The following MEF2A variants were observed in gnomAD, a reference collection of about 807,000 sequenced individuals.
MEF2A encodes the protein myocyte enhancer factor 2A.
MEF2A carries 28 observed loss-of-function variants against 55.8 expected under a neutral mutation model. That is an observed-to-expected ratio of 0.50 (90% CI 0.37 to 0.69). The LOEUF (loss-of-function observed/expected upper bound fraction) is 0.69, where lower values mean the gene tolerates loss of function less well. MEF2A is among the 30% of genes least tolerant of loss of function. The pLI, the probability that MEF2A is intolerant of heterozygous loss-of-function variation, is 0.00. For missense variants in MEF2A, 528 were observed against 626.2 expected (o/e 0.84, Z 1.67); for synonymous variants, 239 against 227.1 (o/e 1.05, Z -0.47).
intron 3 of MEF2A, among the ~76,000 whole-genome samples, chr15:99,642,997 AT>A (rs1440187923): frequency 6.6e-6 from 1 of 152,216 alleles, no homozygotes; most frequent in Non-Finnish European, 1.5e-5. Flanking sequence ...ACTTTATTCC[AT>A]TTTGAATTTA....
At chr15:99,642,660 CTTTA>C (rs1248928657) in intron 3 of MEF2A, among the ~76,000 whole-genome samples, 5 of 151,998 alleles carry the variant, frequency 3.3e-5, no homozygotes, top group Non-Finnish European at 7.4e-5. Flanking sequence ...AAATTATTTT[CTTTA>C]TTTATTTTGG....
Position 99,631,928 on chromosome 15 carries a change from C to T in MEF2A, c.-142-1050C>T, listed in dbSNP as rs537418106. On this transcript the variant is annotated intron_variant, in intron 2 of 11. Transcript: ENST00000557942. ...CAGTACAATTGAAGTTTTATTGATA[C>T]ACATGTACAGTATTGAAAATACTTG... 3.9e-5 allele frequency among the ~76,000 whole-genome samples: 6 copies of T among 152,284 alleles called. No homozygotes were observed. In the East Asian group the frequency reaches 1.2e-3, roughly 29 times the overall value.
chr15:99,699,067 A>C (rs540130813), intron 8 of MEF2A, among the ~76,000 whole-genome samples: 10 of 151,826 alleles, frequency 6.6e-5, no homozygotes, highest in African/African-American at 2.4e-4. Context: ...TAAAAAAAAA[A>C]AAACAAAAAA....
chr15:99,700,187 T>TACACAC (rs1234666173), intron 8 of MEF2A, among the ~76,000 whole-genome samples: 4 of 112,294 alleles, frequency 3.6e-5, no homozygotes, highest in Non-Finnish European at 6.9e-5. Context: ...TGTGTATATA[T>TACACAC]ACACACACAC....
chr15:99,582,048 A>G (rs1240173669), intron 1 of MEF2A, among the ~76,000 whole-genome samples: 2 of 152,122 alleles, frequency 1.3e-5, no homozygotes, highest in African/African-American at 2.4e-5. Flanking sequence ...GGAATGTTCA[A>G]CAGTTTAAAT....
At chr15:99,683,889 C>T (rs1341235443) in intron 7 of MEF2A, among the ~76,000 whole-genome samples, 1 of 152,004 alleles carries the variant, frequency 6.6e-6, no homozygotes, top group African/African-American at 2.4e-5. Flanking sequence ...TCCCCAAAGT[C>T]CATTGTATCA....
At position 99,625,147 on chromosome 15, in the gene MEF2A, T is replaced by C. The variant is rs1180112453; in HGVS notation, c.-142-7831T>C. Among the ~76,000 whole-genome samples, 4 of 152,210 alleles carry C rather than the reference T, an allele frequency of 2.6e-5. No homozygotes were observed. The East Asian group carries it at 7.7e-4, about 29-fold the overall frequency. On this transcript the variant is annotated intron_variant, in intron 2 of 11. Transcript: ENST00000557942. ...ATTTTTGACTTAGGATATTTTCAAT[T>C]TATGGTGGGTTTATAGGGATTTAAC...
chr15:99,664,286 T>C (rs574313938), intron 4 of MEF2A, among the ~76,000 whole-genome samples: 109 of 152,282 alleles, frequency 7.2e-4, no homozygotes, highest in African/African-American at 2.5e-3. Context: ...AAGAAAGAAT[T>C]TGTTGAAAGA....
At chr15:99,701,189 G>A (rs1042180550) in intron 8 of MEF2A, among the ~76,000 whole-genome samples, 3 of 152,154 alleles carry the variant, frequency 2.0e-5, no homozygotes, top group Non-Finnish European at 2.9e-5. Context: ...TGCCTTAACC[G>A]GAGGATCAAG....
intron 7 of MEF2A, among the ~76,000 whole-genome samples, chr15:99,684,018 T>G (rs2053748055): frequency 6.6e-6 from 1 of 152,178 alleles, no homozygotes; most frequent in Non-Finnish European, 1.5e-5. Flanking sequence ...TCCATCCAGG[T>G]TGCTGCAAAT....
rs1234666173 is a variant in MEF2A, at chr15:99,700,187, T to TAC, written c.859-3149_859-3148dup. 2.9e-3 allele frequency among the ~76,000 whole-genome samples: 323 copies of TAC among 112,368 alleles called. 4 individuals carry two copies. Among genetic ancestry groups the TAC allele is most frequent in the African/African-American group, 0.011 (304 of 26,884 alleles). 73.7% of individuals were successfully genotyped at this position (112,368 alleles called of 152,430 possible). A position where few individuals can be genotyped will look rare whatever the true frequency, so the allele number is the denominator to read the frequency against. ...ACATACGTATATATGTGTGTATATATACACACACACACACACACACACACA... is the reference window on the plus strand; with the variant it reads ...ACATACGTATATATGTGTGTATATATACACACACACACACACACACACACACA... On this transcript the variant is annotated intron_variant, in intron 8 of 11. Coordinates refer to ENST00000557942, the MANE Select transcript of MEF2A (RefSeq NM_001319206.4).
intron 2 of MEF2A, among the ~76,000 whole-genome samples, chr15:99,631,001 C>A (rs1469057750): frequency 2.0e-5 from 3 of 152,156 alleles, no homozygotes; most frequent in Non-Finnish European, 4.4e-5. Flanking sequence ...CCTATTTCTT[C>A]CAGATCTCCG....
intron 8 of MEF2A, 198 bp downstream of exon 8, chr15:99,690,626 C>T: frequency 1.4e-6 from 1 of 706,190 alleles, no homozygotes; most frequent in Non-Finnish European, 2.5e-6. Flanking sequence ...ATTTGCTTAA[C>T]AGTTACTTAA....
At chr15:99,624,506 G>A (rs982895460) in intron 2 of MEF2A, among the ~76,000 whole-genome samples, 2 of 152,076 alleles carry the variant, frequency 1.3e-5, no homozygotes, top group Non-Finnish European at 2.9e-5. Flanking sequence ...GTTTATTTGC[G>A]GGTTCTCTAT....
At chr15:99,679,180 C>T (rs112747585) in intron 7 of MEF2A, among the ~76,000 whole-genome samples, 2,557 of 152,302 alleles carry the variant, frequency 0.017, 75 homozygotes, top group African/African-American at 0.059. Context: ...GCCTAAGCTG[C>T]AGATACGTGT....
intron 10 of MEF2A, among the ~76,000 whole-genome samples, chr15:99,709,119 G>A (rs2153819428): frequency 6.6e-6 from 1 of 152,310 alleles, no homozygotes; most frequent in African/African-American, 2.4e-5. Context: ...CTACTGTAGT[G>A]GTCCAAGCAA....
At chr15:99,587,743 A>T (rs970459839) in intron 1 of MEF2A, among the ~76,000 whole-genome samples, 12 of 152,204 alleles carry the variant, frequency 7.9e-5, no homozygotes, top group African/African-American at 2.9e-4. Flanking sequence ...CATTTTCATT[A>T]CAAATATGTA....
At chr15:99,590,979 G>A (rs1969089434) in intron 1 of MEF2A, among the ~76,000 whole-genome samples, 1 of 152,126 alleles carries the variant, frequency 6.6e-6, no homozygotes, top group African/African-American at 2.4e-5. Context: ...TCTTAGAGCA[G>A]TTTTAGCTTT....
intron 4 of MEF2A, among the ~76,000 whole-genome samples, chr15:99,669,477 C>G (rs551768274): frequency 6.6e-6 from 1 of 152,166 alleles, no homozygotes; most frequent in East Asian, 1.9e-4. Flanking sequence ...AGGATAAATG[C>G]CTTTATCCTT....
Sources: gnomAD v4.1 joint callset for allele counts (sites outside exome capture counted in the v4.1 genomes callset) on GRCh38, gnomAD v4.1.1 for gene constraint, MANE v1.5 for transcripts, NCBI Gene and HGNC (gene_info 2026-07-23, HGNC 2026-07-21) for gene names.